Variants in LYPD6 observed in about 807,000 individuals in gnomAD.
LYPD6 encodes the protein ly6/PLAUR domain-containing protein 6.
LYPD6 carries 15 observed loss-of-function variants against 22.7 expected under a neutral mutation model. The observed-to-expected ratio is 0.66, with a 90% CI of 0.44 to 1.02. The LOEUF is 1.02. Ranked by LOEUF, LYPD6 falls within the 50% of genes least tolerant of loss-of-function variation. LYPD6 has a pLI of 0.00. For synonymous variants in LYPD6, 72 were observed against 77.5 expected, an observed-to-expected ratio of 0.93 and a Z score of 0.37; for missense variants, 189 against 208.4, an observed-to-expected ratio of 0.91 and a Z score of 0.57.
At chr2:149,442,381 G>C (rs1202201059) in intron 2 of LYPD6, among the ~76,000 whole-genome samples, 3 of 152,190 alleles carry the variant, frequency 2.0e-5, no homozygotes, top group Non-Finnish European at 4.4e-5. Flanking sequence ...GGCTGACCAT[G>C]AGAGTTAATG....
At chr2:149,461,012 A>G (rs1306793223) in intron 3 of LYPD6, among the ~76,000 whole-genome samples, 1 of 152,084 alleles carries the variant, frequency 6.6e-6, no homozygotes, top group Non-Finnish European at 1.5e-5. Context: ...CTATATGCAC[A>G]TATTTAAAAA....
At chr2:149,334,305 A>C (rs186334376) in intron 1 of LYPD6, among the ~76,000 whole-genome samples, 8 of 152,348 alleles carry the variant, frequency 5.3e-5, no homozygotes, top group South Asian at 2.1e-4. Flanking sequence ...AGTCCCTTAA[A>C]TACTGTGAAA....
intron 1 of LYPD6, among the ~76,000 whole-genome samples, chr2:149,382,698 G>A (rs1037468208): frequency 7.9e-5 from 12 of 151,888 alleles, no homozygotes; most frequent in Non-Finnish European, 1.5e-4. Flanking sequence ...ATTCAACTGT[G>A]CACAAATTCT....
intron 1 of LYPD6, among the ~76,000 whole-genome samples, chr2:149,370,770 G>C (rs999868437): frequency 6.6e-5 from 10 of 152,060 alleles, no homozygotes; most frequent in Admixed American, 2.0e-4. Flanking sequence ...CTCCAGCCTG[G>C]GCAACAGTGA....
chr2:149,416,258 C>T, intron 1 of LYPD6, among the ~76,000 whole-genome samples: 1 of 152,200 alleles, frequency 6.6e-6, no homozygotes, highest in South Asian at 2.1e-4. Flanking sequence ...TAATTATCAC[C>T]TTGGTGGGTC....
intron 1 of LYPD6, among the ~76,000 whole-genome samples, chr2:149,332,378 C>T (rs1559114936): frequency 6.6e-6 from 1 of 152,192 alleles, no homozygotes; most frequent in African/African-American, 2.4e-5. Context: ...AAGCTGTTGA[C>T]AGTCTTTGTA....
At chr2:149,477,719 T>C (rs1681466301), downstream of LYPD6, among the ~76,000 whole-genome samples, 1 of 151,550 alleles carries the variant, frequency 6.6e-6, no homozygotes. Flanking sequence ...TCAGCCAGGT[T>C]ATATCTGAGG....
At chr2:149,413,881 G>T (rs970624308) in intron 1 of LYPD6, among the ~76,000 whole-genome samples, 2 of 152,154 alleles carry the variant, frequency 1.3e-5, no homozygotes, top group African/African-American at 4.8e-5. Flanking sequence ...GGGTCCATCC[G>T]CATTCTGCAC....
At chr2:149,470,148 A>G (rs1430277526) in intron 4 of LYPD6, among the ~76,000 whole-genome samples, 1 of 152,176 alleles carries the variant, frequency 6.6e-6, no homozygotes, top group Non-Finnish European at 1.5e-5. Flanking sequence ...AAGGTGGTGT[A>G]AAGCAGGAGT....
chr2:149,408,444 A>G (rs1025963867), intron 1 of LYPD6, among the ~76,000 whole-genome samples: 1 of 152,168 alleles, frequency 6.6e-6, no homozygotes, highest in Admixed American at 6.5e-5. Flanking sequence ...TTCTATTTGA[A>G]TATCTAGATC....
intron 1 of LYPD6, among the ~76,000 whole-genome samples, chr2:149,335,658 A>G (rs1487229793): frequency 6.6e-6 from 1 of 152,108 alleles, no homozygotes; most frequent in Non-Finnish European, 1.5e-5. Context: ...CCACTCACTC[A>G]CTTGCCACTC....
At chr2:149,384,819 G>A (rs1324826001) in intron 1 of LYPD6, among the ~76,000 whole-genome samples, 1 of 151,848 alleles carries the variant, frequency 6.6e-6, no homozygotes, top group Non-Finnish European at 1.5e-5. Context: ...ATGCTGGTGT[G>A]CTGCACCCAT....
chr2:149,447,299 A>G (rs962726527), intron 2 of LYPD6, among the ~76,000 whole-genome samples: 1 of 152,056 alleles, frequency 6.6e-6, no homozygotes, highest in Non-Finnish European at 1.5e-5. Flanking sequence ...ATCTCATGTG[A>G]CCCCTCCTCA....
intron 1 of LYPD6, among the ~76,000 whole-genome samples, chr2:149,333,658 A>C (rs1031671636): frequency 3.3e-5 from 5 of 152,234 alleles, no homozygotes; most frequent in African/African-American, 1.2e-4. Context: ...CTAGGGATAC[A>C]TGTGCAAACT....
chr2:149,438,291 C>G (rs1683480853), intron 2 of LYPD6, among the ~76,000 whole-genome samples: 1 of 152,176 alleles, frequency 6.6e-6, no homozygotes, highest in African/African-American at 2.4e-5. Context: ...TAAGAATTAT[C>G]TAGGGAATGC....
At chr2:149,474,418 G>A (rs948824348), downstream of LYPD6, among the ~76,000 whole-genome samples, 19 of 152,064 alleles carry the variant, frequency 1.2e-4, no homozygotes, top group African/African-American at 4.6e-4. Context: ...ATGTTGCCCA[G>A]CCTAGCCTCA....
At chr2:149,332,434 G>T (rs1225168834) in intron 1 of LYPD6, among the ~76,000 whole-genome samples, 1 of 152,110 alleles carries the variant, frequency 6.6e-6, no homozygotes, top group Non-Finnish European at 1.5e-5. Context: ...GCTGATTCTA[G>T]GCAAATAATA....
chr2:149,362,889 A>G (rs1315290105), intron 1 of LYPD6, among the ~76,000 whole-genome samples: 1 of 152,106 alleles, frequency 6.6e-6, no homozygotes, highest in African/African-American at 2.4e-5. Context: ...GATACTTTCA[A>G]CTCAAAACAG....
At chr2:149,336,928 C>CTTGTGTGTGT (rs59618488) in intron 1 of LYPD6, among the ~76,000 whole-genome samples, 22,995 of 148,322 alleles carry the variant, frequency 0.16, 1,976 homozygotes, top group Middle Eastern at 0.27. Flanking sequence ...GTTGAAATAA[C>CTTGTGTGTGT]GTGTGTGTGT....
Sources: gnomAD v4.1 joint callset for allele counts (sites outside exome capture counted in the v4.1 genomes callset) on GRCh38, gnomAD v4.1.1 for gene constraint, MANE v1.5 for transcripts, NCBI Gene and HGNC (gene_info 2026-07-23, HGNC 2026-07-21) for gene names.